MAGI2: variants seen among roughly 807,000 people sequenced by gnomAD.
The protein encoded by MAGI2 is membrane associated guanylate kinase, WW and PDZ domain containing 2, also known as membrane-associated guanylate kinase, WW and PDZ domain-containing protein 2.
MAGI2 carries 35 observed loss-of-function variants against 133.3 expected under a neutral mutation model. The ratio of observed to expected loss-of-function variants is 0.26; its 90% CI spans 0.20 to 0.35. MAGI2 has a LOEUF of 0.35. MAGI2 is among the 10% of genes least tolerant of loss of function. The probability of loss-of-function intolerance (pLI) is 1.00; values close to 1 mark genes in which losing one functional copy is unlikely to be tolerated. For synonymous variants in MAGI2, 729 were observed against 710.6 expected (o/e 1.03, Z -0.41); for missense variants, 1,636 against 1,863.4 (o/e 0.88, Z 2.25).
intron 1 of MAGI2, among the ~76,000 whole-genome samples, chr7:79,324,411 G>A (rs12536914): frequency 0.3 from 11,223 of 37,594 alleles, 2,586 homozygotes; most frequent in Middle Eastern, 0.38. Context: ...TACACACAAC[G>A]TATCTATCTA....
At chr7:78,097,375 G>A (rs150416828) in intron 20 of MAGI2, among the ~76,000 whole-genome samples, 9 of 152,188 alleles carry the variant, frequency 5.9e-5, no homozygotes, top group Admixed American at 2.0e-4. Context: ...AATGGACATC[G>A]TAGCACTATT....
At chr7:79,274,743 C>T (rs1029369310) in intron 1 of MAGI2, among the ~76,000 whole-genome samples, 1 of 152,092 alleles carries the variant, frequency 6.6e-6, no homozygotes, top group African/African-American at 2.4e-5. Context: ...CAACACGATG[C>T]CAGGCAAGTC....
At chr7:79,292,857 A>C (rs1346343407) in intron 1 of MAGI2, among the ~76,000 whole-genome samples, 1 of 147,928 alleles carries the variant, frequency 6.8e-6, no homozygotes, top group Non-Finnish European at 1.5e-5. Context: ...GAATCAATTT[A>C]GGGAATATTC....
At chr7:78,595,697 T>C (rs1029286566) in intron 3 of MAGI2, among the ~76,000 whole-genome samples, 2 of 152,148 alleles carry the variant, frequency 1.3e-5, no homozygotes, top group African/African-American at 4.8e-5. Flanking sequence ...CAATGGAGAA[T>C]AAGAAATGCA....
chr7:78,644,284 T>C (rs1810612988), intron 2 of MAGI2, among the ~76,000 whole-genome samples: 1 of 152,096 alleles, frequency 6.6e-6, no homozygotes, highest in African/African-American at 2.4e-5. Context: ...AGAAAATTAG[T>C]AAAGTTATAG....
At chr7:78,091,512 A>G (rs1340128199) in intron 20 of MAGI2, among the ~76,000 whole-genome samples, 1 of 152,194 alleles carries the variant, frequency 6.6e-6, no homozygotes, top group Non-Finnish European at 1.5e-5. Context: ...CAATTAAAGC[A>G]TGCATAGGGG....
At chr7:79,090,038 A>T (rs1404173649) in intron 1 of MAGI2, among the ~76,000 whole-genome samples, 3 of 152,058 alleles carry the variant, frequency 2.0e-5, no homozygotes, top group South Asian at 4.1e-4. Context: ...TAAAAAAATT[A>T]AAAAATAGAA....
chr7:78,189,704 A>C (rs1304322750), intron 12 of MAGI2, among the ~76,000 whole-genome samples: 3 of 152,192 alleles, frequency 2.0e-5, no homozygotes, highest in African/African-American at 7.2e-5. Flanking sequence ...AGGAAATAAG[A>C]ATTTTTCTTT....
At chr7:78,048,941 A>T (rs1291236158) in intron 21 of MAGI2, among the ~76,000 whole-genome samples, 1 of 71,858 alleles carries the variant, frequency 1.4e-5, no homozygotes, top group East Asian at 4.5e-4. Flanking sequence ...ACCCGTCTCT[A>T]CTAAAATACA....
At chr7:79,101,261 C>T (rs1817942412) in intron 1 of MAGI2, among the ~76,000 whole-genome samples, 3 of 152,046 alleles carry the variant, frequency 2.0e-5, no homozygotes, top group East Asian at 1.9e-4. Flanking sequence ...CTTATCCTAC[C>T]TGATTTACAT....
At chr7:78,903,085 T>C (rs1797724388) in intron 2 of MAGI2, among the ~76,000 whole-genome samples, 1 of 151,132 alleles carries the variant, frequency 6.6e-6, no homozygotes, top group African/African-American at 2.4e-5. Context: ...TAAAATAGCT[T>C]TTGCAAAATT....
intron 2 of MAGI2, among the ~76,000 whole-genome samples, chr7:78,747,728 C>T (rs1823062134): frequency 6.6e-6 from 1 of 152,066 alleles, no homozygotes; most frequent in South Asian, 2.1e-4. Context: ...AAGCTGCATC[C>T]GTGGTGACTG....
intron 1 of MAGI2, among the ~76,000 whole-genome samples, chr7:79,315,111 T>C (rs1020042677): frequency 8.6e-5 from 13 of 151,960 alleles, no homozygotes; most frequent in African/African-American, 3.1e-4. Context: ...TCTACGAATA[T>C]CATTTTAAAA....
At position 78,501,727 on chromosome 7, in the gene MAGI2, T is replaced by A; in HGVS notation, c.815A>T (p.Tyr272Phe). ...GASGEMPSQPYPAPVYSQPEE... is the reference protein window; with the variant it reads ...GASGEMPSQPFPAPVYSQPEE... ...AGGCTGACTGTACACTGGTGCAGGATAAGGCTGGGAGGGCATCTCCCCTGA... is the reference window on the plus strand; with the variant it reads ...AGGCTGACTGTACACTGGTGCAGGAAAAGGCTGGGAGGGCATCTCCCCTGA... The change falls in exon 5 of 22, where the codon TAT (tyrosine) becomes TTT (phenylalanine). Residue 272 changes from tyrosine (Y) to phenylalanine (F), a missense_variant. Tyr to Phe is a conservative substitution (Grantham distance 22). Coordinates refer to ENST00000354212, the MANE Select transcript of MAGI2 (RefSeq NM_012301.4). 6.2e-7 allele frequency: 1 copy of A among 1,614,126 alleles called. No homozygotes were observed.
chr7:78,519,326 C>T (rs540928559), intron 4 of MAGI2, among the ~76,000 whole-genome samples: 225 of 152,070 alleles, frequency 1.5e-3, no homozygotes, highest in Non-Finnish European at 2.3e-3. Context: ...TGAGACTGTT[C>T]GGCTCATTTT....
At chr7:78,891,365 C>T (rs1456183222) in intron 2 of MAGI2, among the ~76,000 whole-genome samples, 1 of 152,164 alleles carries the variant, frequency 6.6e-6, no homozygotes, top group Non-Finnish European at 1.5e-5. Context: ...AGAATCCTCC[C>T]TAACTCATTT....
chr7:78,344,595 G>A (rs555958915), intron 8 of MAGI2, among the ~76,000 whole-genome samples: 25 of 152,316 alleles, frequency 1.6e-4, no homozygotes, highest in Non-Finnish European at 3.1e-4. Context: ...GCTCTATTGT[G>A]AGATACTATA....
rs78320865 is a variant in MAGI2, at chr7:78,804,128, T to C, written c.419-176889A>G. Among the ~76,000 whole-genome samples the C allele has an allele frequency of 9.2e-5, 14 of 152,358 alleles. No individual in the cohort carries two copies. In the East Asian group the frequency reaches 2.5e-3, roughly 27 times the overall value. On this transcript the variant is annotated intron_variant, in intron 2 of 21. Coordinates refer to ENST00000354212, the MANE Select transcript of MAGI2 (RefSeq NM_012301.4). ...CCACAGCAAAGTATTAAATCCATTA[T>C]TTAGATGAACAGATACACACAGACA...
chr7:78,484,463 C>G (rs1283259375), intron 6 of MAGI2: 1 of 151,798 alleles, frequency 6.6e-6, no homozygotes, highest in Admixed American at 6.6e-5. Flanking sequence ...AAAATTCATA[C>G]ATATTGAATA....
Sources: gnomAD v4.1 joint callset for allele counts (sites outside exome capture counted in the v4.1 genomes callset) on GRCh38, gnomAD v4.1.1 for gene constraint, MANE v1.5 for transcripts, NCBI Gene and HGNC (gene_info 2026-07-23, HGNC 2026-07-21) for gene names.